Variants in NDRG3 observed in about 807,000 individuals in gnomAD.
NDRG3 encodes NDRG family member 3, also known as protein NDRG3.
A neutral mutation model predicts 57.2 loss-of-function variants in NDRG3; 23 were observed. That is an observed-to-expected ratio of 0.40 (90% CI 0.29 to 0.57). The LOEUF is 0.57. Among genes scored for constraint, NDRG3 ranks in the 20% least tolerant of loss-of-function variants. The probability of loss-of-function intolerance (pLI) is 0.42; values close to 1 mark genes in which losing one functional copy is unlikely to be tolerated. For synonymous variants in NDRG3, 132 were observed against 162.6 expected, an observed-to-expected ratio of 0.81 and a Z score of 1.43; for missense variants, 384 against 457.3, an observed-to-expected ratio of 0.84 and a Z score of 1.46.
At chr20:36,733,602 T>A (rs1279076358) in intron 1 of NDRG3, among the ~76,000 whole-genome samples, 1 of 151,626 alleles carries the variant, frequency 6.6e-6, no homozygotes, top group Non-Finnish European at 1.5e-5. Flanking sequence ...CAGGTGCCTG[T>A]AGTCCAGCTA....
At chr20:36,665,489 A>C (rs183565170) in intron 10 of NDRG3, among the ~76,000 whole-genome samples, 188 bp from the exon 11 acceptor site, 116 of 152,244 alleles carry the variant, frequency 7.6e-4, no homozygotes, top group African/African-American at 2.5e-3. Context: ...GGTGGTATGG[A>C]GCAGGAAGGA....
rs2148011313 is a variant in NDRG3, at chr20:36,653,778, T to C, written c.947-77A>G. On this transcript the variant is annotated intron_variant, in intron 15 of 15. Transcript: ENST00000349004. The surrounding 1 kb of genome is among the most constrained non-coding windows in gnomAD (Gnocchi z 4.2). ...CTAACCTAGGAGTCTCATCAAAGTC[T>C]TTATGTTTAGCTTTTCCGACTCATT... 7.3e-7 allele frequency: 1 copy of C among 1,377,460 alleles called. No homozygotes were observed. Among genetic ancestry groups the C allele is most frequent in the South Asian group, 1.3e-5 (1 of 77,166 alleles). The allele number at this position is 1,377,460 out of a possible 1,614,324, so 85.3% of individuals were successfully genotyped here. A position where few individuals can be genotyped will look rare whatever the true frequency, so the allele number is the denominator to read the frequency against.
At chr20:36,700,570 G>A (rs571741135) in intron 3 of NDRG3, 96 of 494,588 alleles carry the variant, frequency 1.9e-4, no homozygotes, top group Non-Finnish European at 3.6e-4. Flanking sequence ...AGGGAGTAAC[G>A]TGCTGTTGCT....
chr20:36,672,927 C>T (rs1980309951), intron 8 of NDRG3, among the ~76,000 whole-genome samples: 2 of 151,460 alleles, frequency 1.3e-5, no homozygotes, highest in Admixed American at 1.3e-4. Context: ...GCAGTGGCAC[C>T]ATCATAGCTC....
Position 36,660,348 on chromosome 20 carries a change from T to C in NDRG3, c.847A>G (p.Thr283Ala), listed in dbSNP as rs765807451. ...AGAAGGCACATTACCTTTAGCAAAG[T>C]TGTATTTATAGGGTTCAGGCGGGAA... ...CNSRLNPINT[T>A]LLKMADCGGL... Residue 283 changes from threonine (T) to alanine (A), a missense_variant, in exon 13 of 16, where the codon ACT becomes GCT. Physicochemically the swap from Thr to Ala is moderately conservative, Grantham distance 58 (BLOSUM62 0). Coordinates refer to ENST00000349004, the MANE Select transcript of NDRG3 (RefSeq NM_032013.4). 6.2e-7 allele frequency: 1 copy of C among 1,607,682 alleles called. No homozygotes were observed. Among genetic ancestry groups the C allele is most frequent in the Non-Finnish European group, 8.5e-7 (1 of 1,175,898 alleles).
Position 36,653,804 on chromosome 20 carries a change from T to A in NDRG3, c.947-103A>T. On this transcript the variant is annotated intron_variant, in intron 15 of 15. Transcript: ENST00000349004. This position sits in a 1 kb window ranked among gnomAD's most constrained non-coding sequence, Gnocchi z 4.2. ...TTATGTTTAGCTTTTCCGACTCATT[T>A]ACCATGACACCCAGGACAAGATATA... The A allele has an allele frequency of 1.9e-6, 2 of 1,060,168 alleles. No homozygotes were observed. The highest frequency in any genetic ancestry group is 1.6e-5 in the African/African-American group (1 of 63,318). The allele number at this position is 1,060,168 out of a possible 1,614,324, so 65.7% of individuals were successfully genotyped here. A position where few individuals can be genotyped will look rare whatever the true frequency, so the allele number is the denominator to read the frequency against.
intron 3 of NDRG3, chr20:36,700,364 C>A: frequency 2.2e-6 from 1 of 445,058 alleles, no homozygotes. Flanking sequence ...TCTCAAAGTT[C>A]TTCATTTTCA....
At chr20:36,695,578 A>T (rs1242441023) in intron 3 of NDRG3, among the ~76,000 whole-genome samples, 4 of 152,210 alleles carry the variant, frequency 2.6e-5, no homozygotes, top group Admixed American at 2.6e-4. Flanking sequence ...ATGCAGTTGT[A>T]GATAGGGATG....
At chr20:36,701,308 G>A (rs543354824) in intron 3 of NDRG3, among the ~76,000 whole-genome samples, 2 of 152,172 alleles carry the variant, frequency 1.3e-5, no homozygotes, top group Non-Finnish European at 1.5e-5. Flanking sequence ...AAGCCAAGGT[G>A]AGAGTATCAC....
At chr20:36,685,241 A>C (rs1033488232) in intron 5 of NDRG3, among the ~76,000 whole-genome samples, 1 of 152,066 alleles carries the variant, frequency 6.6e-6, no homozygotes, top group African/African-American at 2.4e-5. Flanking sequence ...CCTTAGCATG[A>C]ATGCTTATTT....
intron 12 of NDRG3, among the ~76,000 whole-genome samples, chr20:36,664,070 T>C (rs1299753965): frequency 6.6e-6 from 1 of 152,180 alleles, no homozygotes; most frequent in African/African-American, 2.4e-5. Context: ...CCCAAAGTGC[T>C]GGGACTATAG....
Position 36,663,748 on chromosome 20 carries a change from C to T in NDRG3, c.810+1298G>A, listed in dbSNP as rs113705099. Among the ~76,000 whole-genome samples the T allele has an allele frequency of 3.3e-3, 507 of 152,224 alleles. 4 individuals carry two copies. Among genetic ancestry groups the T allele is most frequent in the African/African-American group, 0.012 (491 of 41,532 alleles). ...TTAATTCCACTTCTGGAAATCCATCCCAAGGAAATAATCAAAGATTCAAAG... is the reference window on the plus strand; with the variant it reads ...TTAATTCCACTTCTGGAAATCCATCTCAAGGAAATAATCAAAGATTCAAAG... On this transcript the variant is annotated intron_variant, in intron 12 of 15. Coordinates refer to ENST00000349004, the MANE Select transcript of NDRG3 (RefSeq NM_032013.4).
chr20:36,721,573 G>A, intron 2 of NDRG3, 106 bp downstream of exon 2: 1 of 668,504 alleles, frequency 1.5e-6, no homozygotes. Context: ...TTCATTGAAA[G>A]TCAAGCTAAA....
chr20:36,731,203 C>T (rs1263309178), intron 1 of NDRG3, among the ~76,000 whole-genome samples: 1 of 152,034 alleles, frequency 6.6e-6, no homozygotes. Flanking sequence ...ATAAGGAGGT[C>T]TGTAGGCCTG....
At chr20:36,679,131 G>A (rs759227749) in intron 8 of NDRG3, among the ~76,000 whole-genome samples, 9 of 152,146 alleles carry the variant, frequency 5.9e-5, no homozygotes, top group Non-Finnish European at 1.2e-4. Context: ...GCTAATTTTC[G>A]TATTTTTAGT....
chr20:36,729,958 T>C (rs1985175387), intron 1 of NDRG3, among the ~76,000 whole-genome samples: 1 of 151,800 alleles, frequency 6.6e-6, no homozygotes, highest in African/African-American at 2.4e-5. Flanking sequence ...TTTTTAAATG[T>C]TTTAGGGGCC....
chr20:36,701,458 T>A (rs1159549198), intron 3 of NDRG3, among the ~76,000 whole-genome samples: 1 of 151,872 alleles, frequency 6.6e-6, no homozygotes, highest in Non-Finnish European at 1.5e-5. Context: ...AGCGGGAAGA[T>A]TGCTTCAGCC....
intron 8 of NDRG3, among the ~76,000 whole-genome samples, chr20:36,675,051 C>A (rs936285373): frequency 1.1e-4 from 16 of 146,208 alleles, no homozygotes; most frequent in Admixed American, 1.0e-3. Context: ...TGTGCCACCA[C>A]AACTGGCATT....
chr20:36,731,765 G>A (rs1056164959), intron 1 of NDRG3, among the ~76,000 whole-genome samples: 12 of 151,158 alleles, frequency 7.9e-5, no homozygotes, highest in East Asian at 3.9e-4. Flanking sequence ...AGCCGAGATC[G>A]CACCACTGTG....
Sources: allele counts gnomAD v4.1 joint callset (sites outside exome capture counted in the v4.1 genomes callset), GRCh38; gene constraint gnomAD v4.1.1; non-coding constraint Gnocchi (gnomAD v3.1); transcripts MANE v1.5; gene names NCBI Gene and HGNC (gene_info 2026-07-23, HGNC 2026-07-21).